Variants in TMEM263 observed in about 807,000 individuals in gnomAD.
TMEM263 encodes the protein transmembrane protein 263.
In TMEM263, 5 loss-of-function variants were observed where a neutral mutation model predicts 8.6. The ratio of observed to expected loss-of-function variants is 0.58; its 90% CI spans 0.31 to 1.23. The LOEUF (loss-of-function observed/expected upper bound fraction) is 1.23, where lower values mean the gene tolerates loss of function less well. Among genes scored for constraint, TMEM263 ranks in the 50% most tolerant of loss-of-function variants. TMEM263 has a pLI of 0.07. For missense variants in TMEM263, 104 were observed against 138.8 expected (o/e 0.75, Z 1.26); for synonymous variants, 50 against 47.9 (o/e 1.04, Z -0.18).
At chr12:106,969,996 C>A (rs1593471351) in intron 3 of TMEM263, among the ~76,000 whole-genome samples, 1 of 152,156 alleles carries the variant, frequency 6.6e-6, no homozygotes, top group East Asian at 1.9e-4. Flanking sequence ...CACACACTCT[C>A]TTTCATAAGA....
Position 106,971,214 on chromosome 12 carries a change from T to G in TMEM263, c.174T>G (p.Ala58=), listed in dbSNP as rs1419929444. The G allele has an allele frequency of 6.2e-7, 1 of 1,614,180 alleles. No homozygotes were observed. Among genetic ancestry groups the G allele is most frequent in the East Asian group, 2.2e-5 (1 of 44,886 alleles). Residue 58 remains alanine, a synonymous_variant, in exon 4 of 4, where the codon GCT becomes GCG. Coordinates refer to ENST00000280756, the MANE Select transcript of TMEM263 (RefSeq NM_152261.4). Reference sequence around the variant, plus strand: ...TTGGTGCCACCATTGGTGGTGTGGCTTGGATTGGTGGAAAGAGTCTGGAAG... The same window carrying G: ...TTGGTGCCACCATTGGTGGTGTGGCGTGGATTGGTGGAAAGAGTCTGGAAG... ...GAVGATIGGV[A]WIGGKSLEVT...
intron 3 of TMEM263, among the ~76,000 whole-genome samples, chr12:106,969,861 A>G (rs1283985123): frequency 6.6e-6 from 1 of 151,734 alleles, no homozygotes; most frequent in Non-Finnish European, 1.5e-5. Flanking sequence ...ACATGCTAAT[A>G]TATGTGGCTC....
At position 106,973,398 on chromosome 12, in the gene TMEM263, T is replaced by C. The variant is rs867002830; in HGVS notation, c.*2007T>C. On this transcript the variant is annotated 3_prime_UTR_variant, in exon 4 of 4. Coordinates refer to ENST00000280756, the MANE Select transcript of TMEM263 (RefSeq NM_152261.4). Reference sequence around the variant, plus strand: ...TGTGCTTTGTGTCTGAATTTCTCAGTATAGACATTTTGTTTACTGTATGCT... The same window carrying C: ...TGTGCTTTGTGTCTGAATTTCTCAGCATAGACATTTTGTTTACTGTATGCT... 1 of 152,616 alleles carries C rather than the reference T, an allele frequency of 6.6e-6. No individual in the cohort carries two copies. Among genetic ancestry groups the C allele is most frequent in the Non-Finnish European group, 1.5e-5 (1 of 68,008 alleles). The allele number at this position is 152,616 out of a possible 1,614,324, so 9.5% of individuals were successfully genotyped here.
At chr12:106,956,704 C>G (rs1457005632) in intron 1 of TMEM263, 1 of 152,406 alleles carries the variant, frequency 6.6e-6, no homozygotes, top group African/African-American at 2.4e-5. Context: ...AAGACCGACC[C>G]CCCAGCTCCC....
Position 106,957,162 on chromosome 12 carries a change from G to T in TMEM263, c.-7+13G>T. ...ACAACACCAACAGGTAAACGCGCGC[G>T]CCCGTGTGTGTGTGTGTGTGTGTGT... On this transcript the variant is annotated intron_variant, in intron 2 of 3. Transcript: ENST00000280756. 1.0e-6 allele frequency: 1 copy of T among 973,486 alleles called. No individual in the cohort carries two copies. Among genetic ancestry groups the T allele is most frequent in the African/African-American group, 1.9e-5 (1 of 52,154 alleles). 60.3% of individuals were successfully genotyped at this position (973,486 alleles called of 1,614,324 possible).
chr12:106,961,614 C>CG (rs1566222193), intron 2 of TMEM263, among the ~76,000 whole-genome samples: 1 of 152,080 alleles, frequency 6.6e-6, no homozygotes, highest in Non-Finnish European at 1.5e-5. Flanking sequence ...AGGAAGACAT[C>CG]ATACCTTTGT....
At chr12:106,967,975 A>G (rs76455108) in intron 3 of TMEM263, among the ~76,000 whole-genome samples, 7,037 of 152,272 alleles carry the variant, frequency 0.046, 204 homozygotes, top group African/African-American at 0.086. Context: ...TTGAGTTTGA[A>G]AATTGTGTTA....
rs1951952072 is a variant in TMEM263, at chr12:106,973,360, T to TTA, written c.*1972_*1973dup. 6.6e-6 allele frequency: 1 copy of TTA among 152,594 alleles called. No homozygotes were observed. Among genetic ancestry groups the TTA allele is most frequent in the Non-Finnish European group, 1.5e-5 (1 of 68,010 alleles). 9.5% of individuals were successfully genotyped at this position (152,594 alleles called of 1,614,324 possible). On this transcript the variant is annotated 3_prime_UTR_variant, in exon 4 of 4. Coordinates refer to ENST00000280756, the MANE Select transcript of TMEM263 (RefSeq NM_152261.4). ...TAGTTTGTATTTCTAACTTCTACAG[T>TTA]TATAGACTCCACTGTGCTTTGTGTC...
intron 2 of TMEM263, among the ~76,000 whole-genome samples, chr12:106,960,198 C>T (rs986750693): frequency 6.6e-6 from 1 of 152,082 alleles, no homozygotes; most frequent in Admixed American, 6.6e-5. Context: ...CCATGCCCGG[C>T]TAATTTTTGT....
At position 106,971,228 on chromosome 12, in the gene TMEM263, A is replaced by G. The variant is rs771994381; in HGVS notation, c.188A>G (p.Lys63Arg). 10 of 1,614,072 alleles carry G rather than the reference A, an allele frequency of 6.2e-6. No homozygotes were observed. Among genetic ancestry groups the G allele is most frequent in the Non-Finnish European group, 7.6e-6 (9 of 1,180,046 alleles). ...TIGGVAWIGG[K>R]SLEVTKTAVT... The stretch of plus-strand genomic sequence containing the variant: ...GGTGGTGTGGCTTGGATTGGTGGAA[A>G]GAGTCTGGAAGTGACCAAAACAGCT... The change falls in exon 4 of 4, where the codon AAG (lysine) becomes AGG (arginine). Residue 63 changes from lysine to arginine, a missense_variant. Lys to Arg is a conservative substitution (Grantham distance 26). Transcript: ENST00000280756.
intron 2 of TMEM263, among the ~76,000 whole-genome samples, chr12:106,958,377 C>T (rs1951728424): frequency 6.6e-6 from 1 of 152,088 alleles, no homozygotes; most frequent in South Asian, 2.1e-4. Flanking sequence ...TCAAAGAAAA[C>T]ACGTTTCCCA....
intron 2 of TMEM263, among the ~76,000 whole-genome samples, chr12:106,959,021 G>C (rs1374828582): frequency 1.3e-5 from 2 of 152,236 alleles, no homozygotes; most frequent in Non-Finnish European, 2.9e-5. Context: ...AATGGCAAGT[G>C]CCGGAAAAGT....
intron 2 of TMEM263, among the ~76,000 whole-genome samples, chr12:106,957,892 A>C (rs1160948161): frequency 6.6e-6 from 1 of 152,226 alleles, no homozygotes; most frequent in Non-Finnish European, 1.5e-5. Flanking sequence ...CTTTAAAAGC[A>C]GACTCTTCTT....
intron 2 of TMEM263, among the ~76,000 whole-genome samples, chr12:106,958,864 A>C (rs1166883283): frequency 6.6e-6 from 1 of 152,172 alleles, no homozygotes; most frequent in Non-Finnish European, 1.5e-5. Context: ...TCCTGCCTCG[A>C]CCTTTCAAAG....
intron 1 of TMEM263, 116 bp from the exon 2 acceptor site, chr12:106,956,966 C>A: frequency 3.6e-6 from 2 of 558,430 alleles, no homozygotes; most frequent in Non-Finnish European, 4.6e-6. Context: ...GGTTTAGAAA[C>A]ACCTAGAGAA....
rs1040205574 is a variant in TMEM263, at chr12:106,973,907, CTG to C, written c.*2517_*2518del. ...TTAGTGAAATGTCAGATGAAAATAA[CTG>C]ATGAATAATTTTTTTGTATTAAAGG... On this transcript the variant is annotated 3_prime_UTR_variant, in exon 4 of 4. Coordinates refer to ENST00000280756, the MANE Select transcript of TMEM263 (RefSeq NM_152261.4). 1 of 152,468 alleles carries C rather than the reference CTG, an allele frequency of 6.6e-6. No homozygotes were observed. The highest frequency in any genetic ancestry group is 2.4e-5 in the African/African-American group (1 of 41,378). 9.4% of individuals were successfully genotyped at this position (152,468 alleles called of 1,614,324 possible). A position where few individuals can be genotyped will look rare whatever the true frequency, so the allele number is the denominator to read the frequency against.
intron 1 of TMEM263, among the ~76,000 whole-genome samples, chr12:106,956,330 G>C (rs1219477223): frequency 6.6e-6 from 1 of 152,128 alleles, no homozygotes; most frequent in African/African-American, 2.4e-5. Flanking sequence ...GAAAGCCTCC[G>C]CCTGACTTCT....
intron 2 of TMEM263, among the ~76,000 whole-genome samples, chr12:106,962,064 T>C (rs1156981298): frequency 6.6e-6 from 1 of 152,208 alleles, no homozygotes; most frequent in Non-Finnish European, 1.5e-5. Context: ...ATTTTTATGG[T>C]AGAAAATTTA....
In TMEM263 at chr12:106,955,952, G is replaced by A. The variant is rs544090825; in HGVS notation, c.-188G>A. On this transcript the variant is annotated 5_prime_UTR_variant, in exon 1 of 4. Coordinates refer to ENST00000280756, the MANE Select transcript of TMEM263 (RefSeq NM_152261.4). ...CCTGAGAGGACGCCTCTGGAGCCGCGACTGCCCGGGGTTGTGCCGGCCGCC... is the reference window on the plus strand; with the variant it reads ...CCTGAGAGGACGCCTCTGGAGCCGCAACTGCCCGGGGTTGTGCCGGCCGCC... 6.1e-6 allele frequency: 6 copies of A among 986,276 alleles called. No individual in the cohort carries two copies. The highest frequency in any genetic ancestry group is 1.1e-4 in the East Asian group (1 of 8,824). 61.1% of individuals were successfully genotyped at this position (986,276 alleles called of 1,614,324 possible). A position where few individuals can be genotyped will look rare whatever the true frequency, so the allele number is the denominator to read the frequency against.
Sources: gnomAD v4.1 joint callset for allele counts (sites outside exome capture counted in the v4.1 genomes callset) on GRCh38, gnomAD v4.1.1 for gene constraint, MANE v1.5 for transcripts, NCBI Gene and HGNC (gene_info 2026-07-23, HGNC 2026-07-21) for gene names.